The following PAX7 variants were observed in gnomAD, a reference collection of about 807,000 sequenced individuals.
PAX7 encodes the protein paired box protein Pax-7.
A neutral mutation model predicts 50.7 loss-of-function variants in PAX7; 18 were observed. The observed-to-expected ratio is 0.36, with a 90% CI of 0.25 to 0.53. The LOEUF (loss-of-function observed/expected upper bound fraction) is 0.53. PAX7 is among the 20% of genes least tolerant of loss of function. The probability of loss-of-function intolerance (pLI) is 0.93; values close to 1 mark genes in which losing one functional copy is unlikely to be tolerated. For missense variants in PAX7, 644 were observed against 702.9 expected (o/e 0.92, Z 0.95); for synonymous variants, 310 against 290.4 (o/e 1.07, Z -0.69).
chr1:18,658,317 A>G (rs2088554232), intron 4 of PAX7, among the ~76,000 whole-genome samples: 1 of 143,950 alleles, frequency 6.9e-6, no homozygotes, highest in Non-Finnish European at 1.5e-5. Flanking sequence ...TCTTCGAGGG[A>G]CCCCAGGGTG....
rs540968715 is a variant in PAX7, at chr1:18,641,520, C to T, written c.586+5149C>T. On this transcript the variant is annotated intron_variant, in intron 4 of 8. Transcript: ENST00000420770. Reference sequence around the variant, plus strand: ...CACGTCTGAACCGGGTGGGGTCCCCCGCTGCGAGGGCGTGCGGGTTTTGTG... The same window carrying T: ...CACGTCTGAACCGGGTGGGGTCCCCTGCTGCGAGGGCGTGCGGGTTTTGTG... 7.2e-5 allele frequency among the ~76,000 whole-genome samples: 11 copies of T among 152,304 alleles called. No homozygotes were observed. The South Asian group carries it at 1.9e-3, about 26-fold the overall frequency.
chr1:18,718,524 G>A (rs532149802), intron 7 of PAX7, among the ~76,000 whole-genome samples: 9 of 152,132 alleles, frequency 5.9e-5, no homozygotes, highest in South Asian at 2.1e-4. Context: ...ATGGATTAGC[G>A]AGGTTCCATC....
intron 5 of PAX7, among the ~76,000 whole-genome samples, chr1:18,694,844 T>C (rs2089130347): frequency 6.6e-6 from 1 of 152,228 alleles, no homozygotes; most frequent in African/African-American, 2.4e-5. Flanking sequence ...GGTGATGAGA[T>C]TCCCATTACC....
chr1:18,682,058 C>T (rs1557527325), intron 4 of PAX7, among the ~76,000 whole-genome samples: 1 of 152,078 alleles, frequency 6.6e-6, no homozygotes, highest in East Asian at 1.9e-4. Flanking sequence ...TTTTAAAATC[C>T]GGCCTGGTGG....
At position 18,642,870 on chromosome 1, in the gene PAX7, C is replaced by A. The variant is rs111363378; in HGVS notation, c.586+6499C>A. 5.5e-3 allele frequency among the ~76,000 whole-genome samples: 715 copies of A among 129,108 alleles called. 3 individuals are homozygous for A. Among genetic ancestry groups the A allele is most frequent in the African/African-American group, 0.02 (671 of 33,624 alleles). The allele number at this position is 129,108 out of a possible 152,430, so 84.7% of individuals were successfully genotyped here. The stretch of plus-strand genomic sequence containing the variant: ...GAAGTGGGGTGGGGGAGAGGTGAGG[C>A]GGGGAAGGAGTCCAGTGAGAGCGCA... On this transcript the variant is annotated intron_variant, in intron 4 of 8. Coordinates refer to ENST00000420770, the MANE Select transcript of PAX7 (RefSeq NM_001135254.2).
chr1:18,711,064 T>A lies in PAX7; in HGVS notation c.1155+7768T>A, dbSNP rs373385618. On this transcript the variant is annotated intron_variant, in intron 7 of 8. Coordinates refer to ENST00000420770, the MANE Select transcript of PAX7 (RefSeq NM_001135254.2). ...CCTCCCTTTGCCTTCTCTGGGTCTC[T>A]TTCAGGCCTCCGCTTTCTCGGGAGG... Among the ~76,000 whole-genome samples the A allele has an allele frequency of 1.5e-3, 227 of 152,312 alleles. 1 individual carries two copies. The highest frequency in any genetic ancestry group is 5.0e-3 in the African/African-American group (207 of 41,582).
At chr1:18,633,006 C>G (rs576581203) in intron 1 of PAX7, among the ~76,000 whole-genome samples, 3 of 152,320 alleles carry the variant, frequency 2.0e-5, no homozygotes, top group African/African-American at 7.2e-5. Context: ...TAAAGAGGCT[C>G]TTGAATATAA....
intron 4 of PAX7, among the ~76,000 whole-genome samples, chr1:18,639,758 T>C (rs1351193486): frequency 6.6e-6 from 1 of 151,884 alleles, no homozygotes; most frequent in South Asian, 2.1e-4. Flanking sequence ...AAATAAGCAA[T>C]AGTATAAAAA....
intron 4 of PAX7, among the ~76,000 whole-genome samples, chr1:18,643,189 C>T (rs1266848435): frequency 6.6e-6 from 1 of 152,154 alleles, no homozygotes; most frequent in Non-Finnish European, 1.5e-5. Flanking sequence ...GGCAGCCGAG[C>T]TGAGCGAGGG....
At chr1:18,701,486 GATGTTGGAATC>G (rs2089221555) in intron 6 of PAX7, among the ~76,000 whole-genome samples, 5 of 152,176 alleles carry the variant, frequency 3.3e-5, no homozygotes, top group East Asian at 1.9e-4. Flanking sequence ...TTGTTGGGAA[GATGTTGGAATC>G]ATGTTGGAAT....
intron 6 of PAX7, among the ~76,000 whole-genome samples, chr1:18,702,566 T>A (rs918308089): frequency 5.3e-5 from 8 of 152,104 alleles, no homozygotes; most frequent in African/African-American, 1.9e-4. Context: ...AGAACAGAGA[T>A]GGCTCCAGAG....
At chr1:18,741,479 GA>G (rs774071233) in intron 8 of PAX7, among the ~76,000 whole-genome samples, 7 of 146,226 alleles carry the variant, frequency 4.8e-5, no homozygotes, top group African/African-American at 1.8e-4. Flanking sequence ...AAGAAAGAAA[GA>G]AAAGATAAGA....
Position 18,635,247 on chromosome 1 carries a change from A to G in PAX7, c.451+7A>G, listed in dbSNP as rs192807434. The G allele has an allele frequency of 5.9e-4, 946 of 1,613,014 alleles. 1 individual carries two copies. Among genetic ancestry groups the G allele is most frequent in the Non-Finnish European group, 7.5e-4 (886 of 1,179,446 alleles). On this transcript the variant is annotated splice_region_variant and intron_variant, in intron 3 of 8. Transcript: ENST00000420770. Reference sequence around the variant, plus strand: ...CGAAGCACTGTGCCCTCAGGTGAGAAGGCAGCTGAGCCGGCAGAGCTGGCC... The same window carrying G: ...CGAAGCACTGTGCCCTCAGGTGAGAGGGCAGCTGAGCCGGCAGAGCTGGCC...
rs777062997 is a variant in PAX7, at chr1:18,735,901, G to T, written c.1402+23G>T. 1.2e-6 allele frequency: 2 copies of T among 1,614,014 alleles called. No homozygotes were observed. The highest frequency in any genetic ancestry group is 1.3e-5 in the African/African-American group (1 of 75,030). ...AGAGTGAGTGCCTGGTGCCCTGGGC[G>T]TCCCCCGTCCCCATTCCTTCTCCCA... On this transcript the variant is annotated intron_variant, in intron 8 of 8. Coordinates refer to ENST00000420770, the MANE Select transcript of PAX7 (RefSeq NM_001135254.2). The surrounding 1 kb of genome is among the most constrained non-coding windows in gnomAD (Gnocchi z 4.0).
intron 4 of PAX7, among the ~76,000 whole-genome samples, chr1:18,652,054 C>T (rs1333240162): frequency 2.0e-5 from 3 of 152,002 alleles, no homozygotes; most frequent in Non-Finnish European, 4.4e-5. Context: ...CATCAAGGCT[C>T]ACCGGCCCCC....
chr1:18,671,724 C>G (rs2088752412), intron 4 of PAX7, among the ~76,000 whole-genome samples: 1 of 151,998 alleles, frequency 6.6e-6, no homozygotes. Flanking sequence ...TGGTTCATAC[C>G]TGTAACCCCA....
chr1:18,680,390 T>C (rs2088882254), intron 4 of PAX7, among the ~76,000 whole-genome samples: 2 of 152,182 alleles, frequency 1.3e-5, no homozygotes, highest in Admixed American at 6.5e-5. Context: ...AGAGACTGGG[T>C]CTGGGATTGG....
intron 5 of PAX7, among the ~76,000 whole-genome samples, chr1:18,697,044 C>G (rs1165965564): frequency 4.6e-5 from 7 of 151,994 alleles, no homozygotes; most frequent in Non-Finnish European, 1.0e-4. Context: ...TATGTAGCCA[C>G]AAAAACTAAA....
At chr1:18,662,176 G>A (rs2088609385) in intron 4 of PAX7, among the ~76,000 whole-genome samples, 1 of 152,126 alleles carries the variant, frequency 6.6e-6, no homozygotes, top group Non-Finnish European at 1.5e-5. Context: ...AGGCCTGGGA[G>A]GAGAGGGAGC....
Sources: gnomAD v4.1 joint callset for allele counts (sites outside exome capture counted in the v4.1 genomes callset) on GRCh38, gnomAD v4.1.1 for gene constraint, Gnocchi (gnomAD v3.1) non-coding constraint, MANE v1.5 for transcripts, NCBI Gene and HGNC (gene_info 2026-07-23, HGNC 2026-07-21) for gene names.